Variants in ZMIZ1 observed in about 807,000 individuals in gnomAD.
ZMIZ1 encodes zinc finger MIZ domain-containing protein 1.
In ZMIZ1, 17 loss-of-function variants were observed where a neutral mutation model predicts 113.9. The observed-to-expected ratio is 0.15, with a 90% CI of 0.10 to 0.22. The LOEUF is 0.22. ZMIZ1 is among the 10% of genes least tolerant of loss of function. The probability of loss-of-function intolerance (pLI) is 1.00; values close to 1 mark genes in which losing one functional copy is unlikely to be tolerated. For synonymous variants in ZMIZ1, 607 were observed against 603.1 expected (o/e 1.01, Z -0.09); for missense variants, 1,059 against 1,477.8 (o/e 0.72, Z 4.65).
rs751008155 is a variant in ZMIZ1, at chr10:79,233,559, A to G, written c.280+17285A>G. ...GGCCCCAGCTCTTCGTACCATCTCAATGGATTAGATTTCAACACGTTAACT... is the reference window on the plus strand; with the variant it reads ...GGCCCCAGCTCTTCGTACCATCTCAGTGGATTAGATTTCAACACGTTAACT... On this transcript the variant is annotated intron_variant, in intron 7 of 24. Transcript: ENST00000334512. Among the ~76,000 whole-genome samples the G allele has an allele frequency of 1.3e-3, 193 of 152,282 alleles. 2 individuals are homozygous for G. The highest frequency in any genetic ancestry group is 6.5e-4 in the Non-Finnish European group (44 of 68,024).
At chr10:79,242,424 G>T (rs1849883782) in intron 7 of ZMIZ1, among the ~76,000 whole-genome samples, 1 of 152,140 alleles carries the variant, frequency 6.6e-6, no homozygotes, top group Non-Finnish European at 1.5e-5. Flanking sequence ...GGAATCCCGG[G>T]GGTGCCAGGG....
chr10:79,070,333 C>T (rs1485201674), intron 1 of ZMIZ1, among the ~76,000 whole-genome samples: 1 of 151,246 alleles, frequency 6.6e-6, no homozygotes, highest in East Asian at 2.0e-4. Context: ...GGGCAGGCTC[C>T]CCGCCCTGGA....
chr10:79,195,452 C>G (rs1404925027), intron 4 of ZMIZ1, among the ~76,000 whole-genome samples: 1 of 152,244 alleles, frequency 6.6e-6, no homozygotes, highest in Non-Finnish European at 1.5e-5. Context: ...ACGGGTGCAC[C>G]TGGGGCCAGG....
chr10:79,111,779 A>G (rs982151363), intron 1 of ZMIZ1, among the ~76,000 whole-genome samples: 1 of 152,226 alleles, frequency 6.6e-6, no homozygotes, highest in Non-Finnish European at 1.5e-5. Flanking sequence ...CTCACCCACT[A>G]TCCAGGGAAT....
chr10:79,280,039 A>T (rs1307528402), intron 8 of ZMIZ1, among the ~76,000 whole-genome samples: 1 of 149,860 alleles, frequency 6.7e-6, no homozygotes, highest in African/African-American at 2.5e-5. Flanking sequence ...CCCAGGCTGT[A>T]GTACAGTGGC....
At chr10:79,248,388 G>C (rs1029872414) in intron 7 of ZMIZ1, among the ~76,000 whole-genome samples, 43 of 152,192 alleles carry the variant, frequency 2.8e-4, no homozygotes, top group Admixed American at 2.5e-3. Flanking sequence ...AGGTTAGCAG[G>C]AGCTCGAGGA....
chr10:79,127,041 G>A (rs2132354084), intron 2 of ZMIZ1, among the ~76,000 whole-genome samples: 2 of 152,340 alleles, frequency 1.3e-5, no homozygotes, highest in South Asian at 4.1e-4. Flanking sequence ...GATAAAATGA[G>A]AGATGCGCCT....
intron 2 of ZMIZ1, among the ~76,000 whole-genome samples, chr10:79,139,115 G>A (rs1467101579): frequency 2.0e-5 from 3 of 152,184 alleles, no homozygotes; most frequent in Non-Finnish European, 4.4e-5. Context: ...GCAAGGGAGT[G>A]AGCTGGTTTT....
intron 4 of ZMIZ1, among the ~76,000 whole-genome samples, chr10:79,175,583 CGT>C (rs757004699): frequency 0.036 from 4,455 of 125,242 alleles, 111 homozygotes; most frequent in Non-Finnish European, 0.048. Flanking sequence ...GTGCACTCTG[CGT>C]GTGTGTGTGT....
intron 4 of ZMIZ1, among the ~76,000 whole-genome samples, chr10:79,185,444 G>T (rs1333573391): frequency 6.6e-6 from 1 of 152,032 alleles, no homozygotes; most frequent in Admixed American, 6.5e-5. Context: ...TCCCATGCCA[G>T]CTGGGGCTCC....
chr10:79,245,276 C>T (rs1850122936), intron 7 of ZMIZ1, among the ~76,000 whole-genome samples: 2 of 152,186 alleles, frequency 1.3e-5, no homozygotes, highest in African/African-American at 4.8e-5. Context: ...GCCCCAGTTT[C>T]AGATGGGAAA....
At chr10:79,136,803 A>C (rs1346974554) in intron 2 of ZMIZ1, among the ~76,000 whole-genome samples, 5 of 152,196 alleles carry the variant, frequency 3.3e-5, no homozygotes, top group African/African-American at 1.2e-4. Flanking sequence ...CATCACTCTT[A>C]TTATGATTAG....
At chr10:79,256,486 C>A (rs1850912414) in intron 7 of ZMIZ1, among the ~76,000 whole-genome samples, 2 of 152,220 alleles carry the variant, frequency 1.3e-5, no homozygotes, top group Non-Finnish European at 2.9e-5. Context: ...CCTTCCAGAC[C>A]AGCTGGAGGC....
intron 3 of ZMIZ1, among the ~76,000 whole-genome samples, chr10:79,158,934 T>A (rs1215902280): frequency 1.3e-5 from 2 of 152,186 alleles, no homozygotes; most frequent in African/African-American, 4.8e-5. Context: ...GAGCTTCAGA[T>A]GCACTGTGAG....
rs963954497 is a variant in ZMIZ1 at position 79,314,047 on chromosome 10, G to A, written c.*1298G>A. On this transcript the variant is annotated 3_prime_UTR_variant, in exon 25 of 25. Coordinates refer to ENST00000334512, the MANE Select transcript of ZMIZ1 (RefSeq NM_020338.4). ...TGTTTCTGGGCCTGCCCCAGACACTGCCCTTGGCTGCCAGCCTACCCTGCC... is the reference window on the plus strand; with the variant it reads ...TGTTTCTGGGCCTGCCCCAGACACTACCCTTGGCTGCCAGCCTACCCTGCC... 12 of 456,852 alleles carry A rather than the reference G, an allele frequency of 2.6e-5. No homozygotes were observed. The highest frequency in any genetic ancestry group is 1.7e-4 in the South Asian group (11 of 64,572). The allele number at this position is 456,852 out of a possible 1,614,324, so 28.3% of individuals were successfully genotyped here.
chr10:79,181,038 T>C (rs564432786), intron 4 of ZMIZ1, among the ~76,000 whole-genome samples: 66 of 151,928 alleles, frequency 4.3e-4, no homozygotes, highest in African/African-American at 1.6e-3. Flanking sequence ...CACGAGGGAG[T>C]CAGGACAGTG....
intron 4 of ZMIZ1, among the ~76,000 whole-genome samples, chr10:79,165,461 G>A (rs942762506): frequency 6.6e-6 from 1 of 152,182 alleles, no homozygotes; most frequent in Non-Finnish European, 1.5e-5. Flanking sequence ...CTGTGTGCTT[G>A]TGTGTAAGTG....
chr10:79,142,414 G>A (rs562795905), intron 3 of ZMIZ1, among the ~76,000 whole-genome samples: 3 of 152,124 alleles, frequency 2.0e-5, no homozygotes, highest in Non-Finnish European at 4.4e-5. Flanking sequence ...GCCGTTTAGG[G>A]GAGTGAGTGG....
intron 23 of ZMIZ1, among the ~76,000 whole-genome samples, chr10:79,308,149 G>A (rs1476663449): frequency 1.3e-5 from 2 of 152,214 alleles, no homozygotes; most frequent in African/African-American, 4.8e-5. Flanking sequence ...CTCCCTTCCT[G>A]TGGCCCCAGT....
Sources: allele counts gnomAD v4.1 joint callset (sites outside exome capture counted in the v4.1 genomes callset), GRCh38; gene constraint gnomAD v4.1.1; transcripts MANE v1.5; gene names NCBI Gene and HGNC (gene_info 2026-07-23, HGNC 2026-07-21).